Variants in ETV1 observed in about 807,000 individuals in gnomAD.
The protein encoded by ETV1 is ETS variant transcription factor 1, also known as ETS translocation variant 1.
Under a neutral mutation model 62.3 loss-of-function variants are expected in ETV1, and 27 were observed. That is an observed-to-expected ratio of 0.43 (90% CI 0.32 to 0.60). The LOEUF (loss-of-function observed/expected upper bound fraction) is 0.60, where lower values mean the gene tolerates loss of function less well. ETV1 is among the 20% of genes least tolerant of loss of function. The pLI, the probability that ETV1 is intolerant of heterozygous loss-of-function variation, is 0.06. For synonymous variants in ETV1, 222 were observed against 199.6 expected, an observed-to-expected ratio of 1.11 and a Z score of -0.94; for missense variants, 605 against 605.8, an observed-to-expected ratio of 1.00 and a Z score of 0.01.
intron 9 of ETV1, among the ~76,000 whole-genome samples, chr7:13,923,966 C>A (rs6461057): frequency 1.3e-5 from 2 of 151,714 alleles, no homozygotes; most frequent in Non-Finnish European, 2.9e-5. Flanking sequence ...ATCAGGGAGG[C>A]GGAGGTTGTG....
In ETV1 at chr7:13,891,738, A is replaced by C. The variant is rs1278150968; in HGVS notation, c.*4128T>G. On this transcript the variant is annotated 3_prime_UTR_variant, in exon 14 of 14. Coordinates refer to ENST00000430479, the MANE Select transcript of ETV1 (RefSeq NM_004956.5). The stretch of plus-strand genomic sequence containing the variant: ...TTCCAATTCTTAGTAGAATTGCTTA[A>C]TATGTACATTTGCCTTCTTTATATT... The C allele has an allele frequency of 4.3e-6, 1 of 232,010 alleles. No individual in the cohort carries two copies. The highest frequency in any genetic ancestry group is 2.2e-5 in the African/African-American group (1 of 45,288). 14.4% of individuals were successfully genotyped at this position (232,010 alleles called of 1,614,324 possible).
In ETV1 at chr7:13,893,631, GA is replaced by G. The variant is rs966313872; in HGVS notation, c.*2234del. ...GAAGAAAAAGGAGAAAAGAGAAAAA[GA>G]AAAAAAAGGAACAAAAATGAATCCT... On this transcript the variant is annotated 3_prime_UTR_variant, in exon 14 of 14. Coordinates refer to ENST00000430479, the MANE Select transcript of ETV1 (RefSeq NM_004956.5). The G allele has an allele frequency of 2.2e-5, 5 of 231,198 alleles. No individual in the cohort carries two copies. Among genetic ancestry groups the G allele is most frequent in the African/African-American group, 4.4e-5 (2 of 45,062 alleles). The allele number at this position is 231,198 out of a possible 1,614,324, so 14.3% of individuals were successfully genotyped here.
At chr7:13,939,287 GTAGGAAT>G in intron 6 of ETV1, 41 bp from the exon 7 acceptor site, 1 of 1,571,846 alleles carries the variant, frequency 6.4e-7, no homozygotes, top group Non-Finnish European at 8.6e-7. Flanking sequence ...ATTAAATGCT[GTAGGAAT>G]TATGGAGATT....
intron 5 of ETV1, among the ~76,000 whole-genome samples, chr7:13,985,963 C>T (rs902724660): frequency 6.6e-6 from 1 of 152,130 alleles, no homozygotes; most frequent in African/African-American, 2.4e-5. Flanking sequence ...TGTATCCTTG[C>T]TCTATTAAAT....
At chr7:13,940,493 G>C (rs1156296150) in intron 6 of ETV1, among the ~76,000 whole-genome samples, 1 of 151,894 alleles carries the variant, frequency 6.6e-6, no homozygotes, top group Non-Finnish European at 1.5e-5. Context: ...ATGGGAAATT[G>C]GTTTAAAAAA....
chr7:13,915,436 C>T (rs576406364), intron 9 of ETV1, among the ~76,000 whole-genome samples: 2 of 152,266 alleles, frequency 1.3e-5, no homozygotes, highest in South Asian at 4.1e-4. Context: ...GAATTAATAT[C>T]ACCAATCTCA....
chr7:13,932,653 G>C (rs1786325118), intron 8 of ETV1, among the ~76,000 whole-genome samples: 1 of 152,084 alleles, frequency 6.6e-6, no homozygotes, highest in Non-Finnish European at 1.5e-5. Flanking sequence ...TCTGTTCTGT[G>C]TTTCTCATCC....
chr7:13,945,939 G>A lies in ETV1; in HGVS notation c.236-6693C>T, dbSNP rs191895117. ...GATCAACACTAATTAAATTACTTTC[G>A]TTGAACACGGCTCCAGCCTGCTGCC... On this transcript the variant is annotated intron_variant, in intron 6 of 13. Coordinates refer to ENST00000430479, the MANE Select transcript of ETV1 (RefSeq NM_004956.5). Among the ~76,000 whole-genome samples, 117 of 152,222 alleles carry A rather than the reference G, an allele frequency of 7.7e-4. No homozygotes were observed. The Middle Eastern group carries it at 0.017, about 22-fold the overall frequency.
chr7:13,909,817 G>C (rs1485092204), intron 10 of ETV1, 117 bp from the exon 11 acceptor site: 2 of 837,950 alleles, frequency 2.4e-6, no homozygotes, highest in Non-Finnish European at 3.9e-6. Flanking sequence ...CCACCTTTCA[G>C]TTCCTTGAGC....
At chr7:13,933,277 T>A (rs1342974440) in intron 8 of ETV1, among the ~76,000 whole-genome samples, 1 of 152,176 alleles carries the variant, frequency 6.6e-6, no homozygotes, top group South Asian at 2.1e-4. Context: ...CTGGGGAACA[T>A]GTATATATCA....
At chr7:13,914,605 G>T (rs1007557815) in intron 9 of ETV1, among the ~76,000 whole-genome samples, 1 of 141,394 alleles carries the variant, frequency 7.1e-6, no homozygotes, top group Non-Finnish European at 1.5e-5. Flanking sequence ...ATTAAAATAC[G>T]CAGACAAGAA....
chr7:13,896,041 G>A lies in ETV1; in HGVS notation c.1259C>T (p.Ala420Val). Residue 420 changes from alanine to valine, a missense_variant, in exon 14 of 14, where the codon GCC becomes GTC. Transcript: ENST00000430479. The stretch of plus-strand genomic sequence containing the variant: ...ATCTGGAAAGGCCATGGAGAAAAGG[G>A]CTTCTGGATCACACACAAACTTGTA... Reference protein sequence around the residue: ...YVYKFVCDPEALFSMAFPDNQ... With the variant: ...YVYKFVCDPEVLFSMAFPDNQ... 6.2e-7 allele frequency: 1 copy of A among 1,613,728 alleles called. No individual in the cohort carries two copies. Among genetic ancestry groups the A allele is most frequent in the Non-Finnish European group, 8.5e-7 (1 of 1,179,832 alleles).
intron 3 of ETV1, chr7:13,988,620 G>GAAAAAAAAAAAGAAAAA: frequency 9.1e-7 from 1 of 1,095,878 alleles, no homozygotes; most frequent in South Asian, 2.4e-5. Flanking sequence ...GAGAAAATGA[G>GAAAAAAAAAAAGAAAAA]AAAAAAAAAA....
intron 6 of ETV1, among the ~76,000 whole-genome samples, chr7:13,952,108 A>C (rs1788890296): frequency 6.6e-6 from 1 of 152,224 alleles, no homozygotes; most frequent in African/African-American, 2.4e-5. Context: ...TCCCGACAGA[A>C]GGAAAAAGCG....
At chr7:13,917,606 C>T (rs946303932) in intron 9 of ETV1, among the ~76,000 whole-genome samples, 5 of 151,890 alleles carry the variant, frequency 3.3e-5, no homozygotes, top group South Asian at 4.2e-4. Context: ...GGTGAGCCAC[C>T]GCGCCTGACC....
chr7:13,921,784 A>T (rs1163200514), intron 9 of ETV1, among the ~76,000 whole-genome samples: 3 of 152,218 alleles, frequency 2.0e-5, no homozygotes, highest in Admixed American at 6.5e-5. Context: ...CAGGTGGGAG[A>T]TGAACCCACC....
chr7:13,952,780 T>A (rs940410786), intron 6 of ETV1, among the ~76,000 whole-genome samples: 1 of 152,076 alleles, frequency 6.6e-6, no homozygotes, highest in African/African-American at 2.4e-5. Flanking sequence ...AAAGTTAGAT[T>A]CCTAATTTTA....
At chr7:13,970,023 G>A (rs113635879) in intron 6 of ETV1, among the ~76,000 whole-genome samples, 10,411 of 151,906 alleles carry the variant, frequency 0.069, 513 homozygotes, top group South Asian at 0.16. Context: ...TTGGGAGGCC[G>A]AGGCAGGAGA....
rs1164676012 is a variant in ETV1 at position 13,892,221 on chromosome 7, C to CT, written c.*3644dup. On this transcript the variant is annotated 3_prime_UTR_variant, in exon 14 of 14. Transcript: ENST00000430479. ...AAAAAATAAAATCTGGATTAGACCACTGATTTAACTGTTATTACTATTATT... is the reference window on the plus strand; with the variant it reads ...AAAAAATAAAATCTGGATTAGACCACTTGATTTAACTGTTATTACTATTATT... 8.6e-6 allele frequency: 2 copies of CT among 232,458 alleles called. No individual in the cohort carries two copies. The highest frequency in any genetic ancestry group is 1.7e-5 in the Non-Finnish European group (2 of 117,750). The allele number at this position is 232,458 out of a possible 1,614,324, so 14.4% of individuals were successfully genotyped here. A position where few individuals can be genotyped will look rare whatever the true frequency, so the allele number is the denominator to read the frequency against.
Sources: gnomAD v4.1 joint callset for allele counts (sites outside exome capture counted in the v4.1 genomes callset) on GRCh38, gnomAD v4.1.1 for gene constraint, MANE v1.5 for transcripts, NCBI Gene and HGNC (gene_info 2026-07-23, HGNC 2026-07-21) for gene names.